MRPL1: variants seen among roughly 807,000 people sequenced by gnomAD.
MRPL1 encodes large ribosomal subunit protein uL1m.
In MRPL1, 28 loss-of-function variants were observed where a neutral mutation model predicts 38.0. The observed-to-expected ratio is 0.74, with a 90% CI of 0.55 to 1.01. The LOEUF (loss-of-function observed/expected upper bound fraction) is 1.01, where lower values mean the gene tolerates loss of function less well. Ranked by LOEUF, MRPL1 falls within the 50% of genes least tolerant of loss-of-function variation. MRPL1 has a pLI of 0.00. For missense variants in MRPL1, 358 were observed against 389.8 expected (o/e 0.92, Z 0.69); for synonymous variants, 123 against 126.7 (o/e 0.97, Z 0.20).
intron 6 of MRPL1, among the ~76,000 whole-genome samples, chr4:77,895,742 G>T (rs1219147082): frequency 6.6e-6 from 1 of 151,888 alleles, no homozygotes; most frequent in Non-Finnish European, 1.5e-5. Context: ...TTAGAGTTTT[G>T]TTTATTTTTG....
At chr4:77,934,423 C>A (rs1736916223) in intron 7 of MRPL1, among the ~76,000 whole-genome samples, 1 of 151,974 alleles carries the variant, frequency 6.6e-6, no homozygotes, top group Non-Finnish European at 1.5e-5. Flanking sequence ...AGATGATATA[C>A]AAATGGACAA....
chr4:77,881,804 C>T (rs538982723), intron 2 of MRPL1, among the ~76,000 whole-genome samples: 6 of 152,252 alleles, frequency 3.9e-5, no homozygotes, highest in Admixed American at 2.6e-4. Context: ...ACTGTTGCTA[C>T]TCTGGTTCAG....
At chr4:77,943,089 C>G (rs1737173187) in intron 7 of MRPL1, among the ~76,000 whole-genome samples, 1 of 152,114 alleles carries the variant, frequency 6.6e-6, no homozygotes. Context: ...GGCAAATTCT[C>G]TCAGCATTTG....
intron 5 of MRPL1, among the ~76,000 whole-genome samples, chr4:77,887,876 C>T (rs1735718956): frequency 6.6e-6 from 1 of 152,038 alleles, no homozygotes; most frequent in Admixed American, 6.6e-5. Flanking sequence ...ATTATTATTA[C>T]TATTTTTCGC....
chr4:77,882,032 G>A (rs940008325), intron 2 of MRPL1, among the ~76,000 whole-genome samples: 4 of 152,140 alleles, frequency 2.6e-5, no homozygotes, highest in Middle Eastern at 3.4e-3. Flanking sequence ...CTCTTTTACC[G>A]TTTTAGTTCA....
intron 7 of MRPL1, among the ~76,000 whole-genome samples, chr4:77,928,109 TGTGGCAAGCGTA>T (rs1297496773): frequency 6.6e-6 from 1 of 152,248 alleles, no homozygotes; most frequent in Non-Finnish European, 1.5e-5. Context: ...TGAATGGTTT[TGTGGCAAGCGTA>T]TTGTCAACCT....
At chr4:77,888,520 A>T (rs1450424365) in intron 5 of MRPL1, among the ~76,000 whole-genome samples, 1 of 152,108 alleles carries the variant, frequency 6.6e-6, no homozygotes, top group Non-Finnish European at 1.5e-5. Context: ...ATAAATAAAT[A>T]AAATAAATAA....
intron 2 of MRPL1, among the ~76,000 whole-genome samples, chr4:77,878,092 GC>G: frequency 6.6e-6 from 1 of 152,288 alleles, no homozygotes; most frequent in Non-Finnish European, 1.5e-5. Context: ...TTACCTGCTT[GC>G]CTTTCTCTCG....
intron 2 of MRPL1, among the ~76,000 whole-genome samples, chr4:77,873,811 TA>T (rs1373532592): frequency 6.6e-6 from 1 of 152,196 alleles, no homozygotes; most frequent in Non-Finnish European, 1.5e-5. Context: ...TGTGAGTAGA[TA>T]AAAGATAATT....
At chr4:77,934,768 G>T (rs1352229187) in intron 7 of MRPL1, among the ~76,000 whole-genome samples, 1 of 152,156 alleles carries the variant, frequency 6.6e-6, no homozygotes, top group Non-Finnish European at 1.5e-5. Context: ...GAGCCAGAAG[G>T]TACAAGCAGC....
chr4:77,906,542 G>A (rs562826301), intron 6 of MRPL1, among the ~76,000 whole-genome samples: 28 of 152,206 alleles, frequency 1.8e-4, no homozygotes, highest in African/African-American at 5.1e-4. Context: ...GAGGAGCAGC[G>A]TCCTTTTATG....
intron 6 of MRPL1, among the ~76,000 whole-genome samples, chr4:77,906,007 A>C (rs1736149527): frequency 1.3e-5 from 2 of 152,230 alleles, no homozygotes; most frequent in Admixed American, 1.3e-4. Context: ...ATAAGCATTT[A>C]GAAGTTATCA....
chr4:77,937,591 C>G lies in MRPL1; in HGVS notation c.778-12206C>G, dbSNP rs143968502. On this transcript the variant is annotated intron_variant, in intron 7 of 8. Coordinates refer to ENST00000315567, the MANE Select transcript of MRPL1 (RefSeq NM_020236.4). ...TCAGTCATTCAGTCTCTCCTTCCTG[C>G]AGGTACCACCCAGTCTTTACAGATG... is the stretch of plus-strand genomic sequence containing the variant. 5.7e-3 allele frequency among the ~76,000 whole-genome samples: 871 copies of G among 152,344 alleles called. 3 individuals carry two copies. The highest frequency in any genetic ancestry group is 7.9e-3 in the Non-Finnish European group (539 of 68,028).
At chr4:77,922,030 C>T (rs952816745) in intron 7 of MRPL1, among the ~76,000 whole-genome samples, 4 of 151,928 alleles carry the variant, frequency 2.6e-5, no homozygotes, top group African/African-American at 9.7e-5. Context: ...ACAATCCTTG[C>T]CTTCATGGGA....
intron 6 of MRPL1, among the ~76,000 whole-genome samples, chr4:77,899,974 T>C (rs1018600168): frequency 1.3e-5 from 2 of 152,212 alleles, no homozygotes; most frequent in African/African-American, 4.8e-5. Context: ...TGTCAGTTAC[T>C]GTGACCTTGA....
intron 7 of MRPL1, among the ~76,000 whole-genome samples, chr4:77,922,404 G>C (rs1213586355): frequency 6.6e-6 from 1 of 152,190 alleles, no homozygotes; most frequent in African/African-American, 2.4e-5. Flanking sequence ...TCATAGTAAG[G>C]CTACTGTCTT....
chr4:77,930,103 G>A (rs936984797), intron 7 of MRPL1, among the ~76,000 whole-genome samples: 8 of 152,142 alleles, frequency 5.3e-5, no homozygotes, highest in African/African-American at 1.7e-4. Context: ...CCCTTCTGTC[G>A]TCACCTGGCC....
intron 7 of MRPL1, among the ~76,000 whole-genome samples, chr4:77,930,578 A>G (rs1736821507): frequency 6.6e-6 from 1 of 152,228 alleles, no homozygotes; most frequent in East Asian, 1.9e-4. Flanking sequence ...GATTAACATT[A>G]GCAGAGAAAT....
At position 77,935,946 on chromosome 4, in the gene MRPL1, A is replaced by T. The variant is rs5859591; in HGVS notation, c.778-13851A>T. On this transcript the variant is annotated intron_variant, in intron 7 of 8. Coordinates refer to ENST00000315567, the MANE Select transcript of MRPL1 (RefSeq NM_020236.4). ...GACTATGTCTCAAAAAAAAAAAAAAAAGTAAACTCTGTCTTGCATTTTATA... is the reference window on the plus strand; with the variant it reads ...GACTATGTCTCAAAAAAAAAAAAAATAGTAAACTCTGTCTTGCATTTTATA... 3.6e-4 allele frequency among the ~76,000 whole-genome samples: 54 copies of T among 150,458 alleles called. 1 individual carries two copies. The highest frequency in any genetic ancestry group is 9.2e-4 in the Admixed American group (14 of 15,200).
Sources: gnomAD v4.1 joint callset for allele counts (sites outside exome capture counted in the v4.1 genomes callset) on GRCh38, gnomAD v4.1.1 for gene constraint, MANE v1.5 for transcripts, NCBI Gene and HGNC (gene_info 2026-07-23, HGNC 2026-07-21) for gene names.